Variants in PCTP observed in about 807,000 individuals in gnomAD.
PCTP encodes the protein phosphatidylcholine transfer protein, also known as START domain-containing protein 2.
In PCTP, 27 loss-of-function variants were observed where a neutral mutation model predicts 31.0. The observed-to-expected ratio is 0.87, with a 90% CI of 0.64 to 1.20. PCTP has a LOEUF of 1.20. Ranked by LOEUF, PCTP falls within the 50% of genes most tolerant of loss-of-function variation. The probability of loss-of-function intolerance (pLI) is 0.00; values close to 1 mark genes in which losing one functional copy is unlikely to be tolerated. For missense variants in PCTP, 287 were observed against 268.2 expected, an observed-to-expected ratio of 1.07 and a Z score of -0.49; for synonymous variants, 108 against 101.2, an observed-to-expected ratio of 1.07 and a Z score of -0.40.
At chr17:55,767,887 G>A (rs1181670787) in intron 2 of PCTP, among the ~76,000 whole-genome samples, 3 of 151,166 alleles carry the variant, frequency 2.0e-5, no homozygotes, top group Non-Finnish European at 4.4e-5. Context: ...GAGGCCAGGA[G>A]TTTGAGACCA....
At chr17:55,849,351 G>A in the PCTP span, among the ~76,000 whole-genome samples, 4 of 152,122 alleles carry the variant, frequency 2.6e-5, no homozygotes, top group Non-Finnish European at 4.4e-5. Flanking sequence ...AGTCAGGTGC[G>A]GTGGCTCATG....
At chr17:55,824,175 G>A (rs2145068608), downstream of PCTP, among the ~76,000 whole-genome samples, 1 of 152,128 alleles carries the variant, frequency 6.6e-6, no homozygotes, top group Non-Finnish European at 1.5e-5. Flanking sequence ...TAATGCACTA[G>A]TCCCAATTCT....
intron 3 of PCTP, among the ~76,000 whole-genome samples, chr17:55,802,300 G>C (rs1912412195): frequency 6.6e-6 from 1 of 152,162 alleles, no homozygotes; most frequent in African/African-American, 2.4e-5. Context: ...AAGAGGAGCT[G>C]GTACCATTTC....
downstream of PCTP, among the ~76,000 whole-genome samples, chr17:55,845,512 G>C (rs2145099099): frequency 6.6e-6 from 1 of 152,342 alleles, no homozygotes; most frequent in South Asian, 2.1e-4. Context: ...TCCTGCCGAA[G>C]AGGGCCGCCT....
intron 5 of PCTP, among the ~76,000 whole-genome samples, chr17:55,838,232 A>G (rs1367163968): frequency 6.6e-6 from 1 of 152,218 alleles, no homozygotes; most frequent in Non-Finnish European, 1.5e-5. Flanking sequence ...AGCTTCAGAC[A>G]GAATTCCTTA....
chr17:55,783,171 C>G (rs1342643858), intron 2 of PCTP, among the ~76,000 whole-genome samples: 1 of 152,022 alleles, frequency 6.6e-6, no homozygotes, highest in African/African-American at 2.4e-5. Flanking sequence ...GCTAGAATTG[C>G]TTTGTTTTCC....
chr17:55,824,900 T>A (rs1172397807), downstream of PCTP, among the ~76,000 whole-genome samples: 1 of 152,238 alleles, frequency 6.6e-6, no homozygotes, highest in Non-Finnish European at 1.5e-5. Context: ...CTTTCATCTT[T>A]ATTCTAATGG....
chr17:55,770,194 G>C (rs982243795), intron 2 of PCTP: 1 of 152,136 alleles, frequency 6.6e-6, no homozygotes, highest in Non-Finnish European at 1.5e-5. Context: ...ATAGTAAGAC[G>C]GAAGGATTAT....
In PCTP at chr17:55,773,904, C is replaced by T. The variant is rs1911156779; in HGVS notation, c.511+9C>T. On this transcript the variant is annotated intron_variant, in intron 4 of 5. Coordinates refer to ENST00000268896, the MANE Select transcript of PCTP (RefSeq NM_021213.4). Reference sequence around the variant, plus strand: ...CAAGAAGGGGAGCAAAGGTAAAACCCATGGTGCCTGTCAGTGCACCCAGCC... The same window carrying T: ...CAAGAAGGGGAGCAAAGGTAAAACCTATGGTGCCTGTCAGTGCACCCAGCC... The T allele has an allele frequency of 1.3e-6, 2 of 1,591,474 alleles. No individual in the cohort carries two copies. The highest frequency in any genetic ancestry group is 1.7e-5 in the Admixed American group (1 of 58,806).
rs1909672967 is a variant in PCTP, at chr17:55,751,154, C to T, written c.51C>T (p.Cys17=). The change falls in exon 1 of 6, where the codon TGC becomes TGT. Residue 17 remains cysteine (C), a synonymous_variant. Coordinates refer to ENST00000268896, the MANE Select transcript of PCTP (RefSeq NM_021213.4). Reference sequence around the variant, plus strand: ...CGGAGGAGCAGTTCTGGGAGGCCTGCGCCGAGCTCCAGCAGCCCGCTCTGG... The same window carrying T: ...CGGAGGAGCAGTTCTGGGAGGCCTGTGCCGAGCTCCAGCAGCCCGCTCTGG... The part of the protein sequence containing the change: ...SFSEEQFWEA[C]AELQQPALAG... 1.3e-6 allele frequency: 2 copies of T among 1,547,934 alleles called. No homozygotes were observed. The highest frequency in any genetic ancestry group is 1.4e-5 in the African/African-American group (1 of 73,112).
At chr17:55,821,336 C>T (rs987222507) in intron 3 of PCTP, among the ~76,000 whole-genome samples, 2 of 152,066 alleles carry the variant, frequency 1.3e-5, no homozygotes, top group African/African-American at 4.8e-5. Context: ...CAAATCCATA[C>T]AAAGAGTAAA....
intron 3 of PCTP, among the ~76,000 whole-genome samples, chr17:55,793,623 A>G (rs1912081669): frequency 6.6e-6 from 1 of 152,148 alleles, no homozygotes; most frequent in South Asian, 2.1e-4. Flanking sequence ...CTTGTTCATT[A>G]TTGTAGCCCT....
chr17:55,850,845 G>A, the PCTP span, among the ~76,000 whole-genome samples: 1 of 152,170 alleles, frequency 6.6e-6, no homozygotes, highest in Non-Finnish European at 1.5e-5. Context: ...TTCTCCGTAT[G>A]AAATTCATTG....
chr17:55,766,619 C>A (rs1234368731), intron 1 of PCTP, among the ~76,000 whole-genome samples: 2 of 152,100 alleles, frequency 1.3e-5, no homozygotes, highest in African/African-American at 4.8e-5. Context: ...GCATAGTATT[C>A]CATGGTGTAT....
At chr17:55,825,885 T>C (rs1317466107), downstream of PCTP, among the ~76,000 whole-genome samples, 1 of 152,206 alleles carries the variant, frequency 6.6e-6, no homozygotes, top group Non-Finnish European at 1.5e-5. Context: ...TCATTTTCAC[T>C]GCACTCATGT....
chr17:55,845,922 G>GTGTGTT, downstream of PCTP, among the ~76,000 whole-genome samples: 1 of 148,680 alleles, frequency 6.7e-6, no homozygotes, highest in East Asian at 1.9e-4. Flanking sequence ...GTGTGTGTGT[G>GTGTGTT]TGTGTATGTG....
At chr17:55,806,591 C>T (rs1011620817) in intron 3 of PCTP, among the ~76,000 whole-genome samples, 1 of 152,146 alleles carries the variant, frequency 6.6e-6, no homozygotes, top group African/African-American at 2.4e-5. Context: ...GATGATGACC[C>T]TCCTTGATAA....
At chr17:55,803,171 C>T (rs1912447385) in intron 3 of PCTP, among the ~76,000 whole-genome samples, 1 of 152,104 alleles carries the variant, frequency 6.6e-6, no homozygotes, top group Non-Finnish European at 1.5e-5. Context: ...AGGACCACAT[C>T]AAGGAGAACT....
chr17:55,775,047 G>A (rs947555859), intron 5 of PCTP, among the ~76,000 whole-genome samples, 188 bp downstream of exon 5: 13 of 152,156 alleles, frequency 8.5e-5, no homozygotes, highest in African/African-American at 2.9e-4. Flanking sequence ...CGGAGGCTGG[G>A]ACAAGAGACA....
Sources: allele counts gnomAD v4.1 joint callset (sites outside exome capture counted in the v4.1 genomes callset), GRCh38; gene constraint gnomAD v4.1.1; transcripts MANE v1.5; gene names NCBI Gene and HGNC (gene_info 2026-07-23, HGNC 2026-07-21).